EIF3H: variants seen among roughly 807,000 people sequenced by gnomAD.
EIF3H encodes the protein eukaryotic translation initiation factor 3 subunit H.
Under a neutral mutation model 44.2 loss-of-function variants are expected in EIF3H, and 26 were observed. The ratio of observed to expected loss-of-function variants is 0.59; its 90% CI spans 0.43 to 0.82. EIF3H has a LOEUF of 0.82. Ranked by LOEUF, EIF3H falls within the 40% of genes least tolerant of loss-of-function variation. The pLI is 0.00. For missense variants in EIF3H, 359 were observed against 432.8 expected, an observed-to-expected ratio of 0.83 and a Z score of 1.51; for synonymous variants, 166 against 151.9, an observed-to-expected ratio of 1.09 and a Z score of -0.68.
intron 2 of EIF3H, among the ~76,000 whole-genome samples, chr8:116,710,453 T>C (rs996024301): frequency 6.6e-6 from 1 of 152,212 alleles, no homozygotes; most frequent in African/African-American, 2.4e-5. Flanking sequence ...GAAATGGGTT[T>C]AGTGTCTGTA....
chr8:116,695,641 C>A (rs1361554530), intron 2 of EIF3H, among the ~76,000 whole-genome samples: 1 of 152,006 alleles, frequency 6.6e-6, no homozygotes, highest in African/African-American at 2.4e-5. Context: ...GGAGGAATAG[C>A]ACAAGGAGTC....
At chr8:116,761,667 G>A (rs1004764800) in intron 1 of EIF3H, among the ~76,000 whole-genome samples, 2 of 152,104 alleles carry the variant, frequency 1.3e-5, no homozygotes, top group African/African-American at 2.4e-5. Context: ...ATAGTGATCC[G>A]ACAATAGTCA....
intron 2 of EIF3H, among the ~76,000 whole-genome samples, chr8:116,708,775 T>C (rs560218338): frequency 4.6e-5 from 7 of 152,188 alleles, no homozygotes; most frequent in South Asian, 2.1e-4. Flanking sequence ...CAGTAACTAA[T>C]TGAATTATAC....
chr8:116,676,855 C>T (rs1388474562), intron 2 of EIF3H, among the ~76,000 whole-genome samples: 1 of 152,070 alleles, frequency 6.6e-6, no homozygotes, highest in East Asian at 1.9e-4. Flanking sequence ...CTATAATTGT[C>T]TTGTTTTGTC....
At chr8:116,716,285 C>T (rs201056749) in intron 2 of EIF3H, among the ~76,000 whole-genome samples, 12 of 152,010 alleles carry the variant, frequency 7.9e-5, no homozygotes, top group Non-Finnish European at 1.6e-4. Context: ...GGTTTTTTGG[C>T]CTCATACCAT....
chr8:116,679,258 C>T (rs1813919554), intron 2 of EIF3H, among the ~76,000 whole-genome samples: 1 of 53,706 alleles, frequency 1.9e-5, no homozygotes, highest in East Asian at 4.2e-4. Context: ...GTGAGGAGCC[C>T]CTCTGCCCGG....
In EIF3H at chr8:116,743,799, AACACACACACACACACACAC is replaced by A. The variant is rs368555154; in HGVS notation, c.132+11847_132+11866del. On this transcript the variant is annotated intron_variant, in intron 1 of 7. Transcript: ENST00000521861. The stretch of plus-strand genomic sequence containing the variant: ...ATATATATATATATATATATATATA[AACACACACACACACACACAC>A]ACACACACACACACACACATATATA... 8.8e-4 allele frequency among the ~76,000 whole-genome samples: 77 copies of A among 87,074 alleles called. 1 individual carries two copies. Among genetic ancestry groups the A allele is most frequent in the African/African-American group, 2.7e-3 (71 of 26,082 alleles). 57.1% of individuals were successfully genotyped at this position (87,074 alleles called of 152,430 possible).
At chr8:116,743,208 G>T (rs1474697532) in intron 1 of EIF3H, among the ~76,000 whole-genome samples, 3 of 152,160 alleles carry the variant, frequency 2.0e-5, no homozygotes, top group Non-Finnish European at 2.9e-5. Context: ...CTAGCGCTTT[G>T]GGAGGCCAAG....
intron 1 of EIF3H, among the ~76,000 whole-genome samples, chr8:116,745,024 T>C (rs931351556): frequency 3.9e-5 from 6 of 152,166 alleles, no homozygotes; most frequent in Admixed American, 1.3e-4. Flanking sequence ...GTCCAAGATA[T>C]TGAACAAAAG....
chr8:116,648,301 C>T (rs374061595), intron 6 of EIF3H, among the ~76,000 whole-genome samples: 1 of 152,118 alleles, frequency 6.6e-6, no homozygotes. Context: ...TGGTCACAGC[C>T]GTAGATGTGT....
At chr8:116,681,772 A>C (rs1813993448) in intron 2 of EIF3H, among the ~76,000 whole-genome samples, 1 of 152,182 alleles carries the variant, frequency 6.6e-6, no homozygotes, top group African/African-American at 2.4e-5. Context: ...CAAGATAAAC[A>C]ATTCTTTTCT....
At chr8:116,719,535 G>A (rs551673826) in intron 2 of EIF3H, among the ~76,000 whole-genome samples, 5 of 152,088 alleles carry the variant, frequency 3.3e-5, no homozygotes, top group Non-Finnish European at 7.4e-5. Context: ...ATAGAGGACA[G>A]CACACAAATA....
intron 2 of EIF3H, among the ~76,000 whole-genome samples, chr8:116,677,090 T>TAA (rs1290587323): frequency 1.3e-5 from 2 of 152,218 alleles, no homozygotes; most frequent in African/African-American, 4.8e-5. Context: ...TAAAACACTG[T>TAA]AAAGACTCCA....
intron 2 of EIF3H, among the ~76,000 whole-genome samples, chr8:116,668,900 G>A (rs1813709453): frequency 6.6e-6 from 1 of 152,106 alleles, no homozygotes; most frequent in African/African-American, 2.4e-5. Context: ...CAGGTACTAT[G>A]ATACTCATCT....
At chr8:116,664,218 T>C (rs1370995461) in intron 2 of EIF3H, among the ~76,000 whole-genome samples, 1 of 152,210 alleles carries the variant, frequency 6.6e-6, no homozygotes. Context: ...AACAGTCCAT[T>C]TTAAAGCACC....
chr8:116,681,161 G>A (rs193227135), intron 2 of EIF3H, among the ~76,000 whole-genome samples: 250 of 152,038 alleles, frequency 1.6e-3, no homozygotes, highest in African/African-American at 4.8e-3. Context: ...TCAGGAGTTC[G>A]AGACCAGCCT....
intron 2 of EIF3H, among the ~76,000 whole-genome samples, chr8:116,719,995 C>T (rs1206469952): frequency 6.6e-6 from 1 of 152,040 alleles, no homozygotes; most frequent in African/African-American, 2.4e-5. Context: ...AGTTTCAGTC[C>T]CTGTATTACC....
At chr8:116,659,734 T>C (rs1242904718) in intron 2 of EIF3H, among the ~76,000 whole-genome samples, 3 of 152,194 alleles carry the variant, frequency 2.0e-5, no homozygotes, top group Admixed American at 2.0e-4. Context: ...ATGTATACTA[T>C]ATTAAAGCAG....
intron 1 of EIF3H, among the ~76,000 whole-genome samples, chr8:116,743,799 AACACACACACACACACACACAC>A (rs368555154): frequency 0.14 from 12,105 of 87,174 alleles, 809 homozygotes; most frequent in East Asian, 0.28. Context: ...TATATATATA[AACACACACACACACACACACAC>A]ACACACACAC....
Sources: allele counts gnomAD v4.1 joint callset (sites outside exome capture counted in the v4.1 genomes callset), GRCh38; gene constraint gnomAD v4.1.1; transcripts MANE v1.5; gene names NCBI Gene and HGNC (gene_info 2026-07-23, HGNC 2026-07-21).